WWOX: variants seen among roughly 807,000 people sequenced by gnomAD.
The protein encoded by WWOX is WW domain containing oxidoreductase, also known as WW domain-containing oxidoreductase.
Under a neutral mutation model 46.2 loss-of-function variants are expected in WWOX, and 69 were observed. The observed-to-expected ratio is 1.49, with a 90% confidence interval of 1.23 to 1.82. The LOEUF (loss-of-function observed/expected upper bound fraction) is 1.82, where lower values mean the gene tolerates loss of function less well. Ranked by LOEUF, WWOX falls within the 40% of genes most tolerant of loss-of-function variation. The pLI is 0.00. For missense variants in WWOX, 919 were observed against 542.6 expected (o/e 1.69, Z -6.89); for synonymous variants, 359 against 202.6 (o/e 1.77, Z -6.56).
At chr16:79,085,857 G>C (rs2150589909) in intron 8 of WWOX, among the ~76,000 whole-genome samples, 1 of 152,154 alleles carries the variant, frequency 6.6e-6, no homozygotes, top group Non-Finnish European at 1.5e-5. Context: ...TCCAGCCTGG[G>C]CAACACAGTG....
chr16:79,130,756 A>G (rs79288122), intron 8 of WWOX, among the ~76,000 whole-genome samples: 315 of 152,314 alleles, frequency 2.1e-3, no homozygotes, highest in African/African-American at 7.2e-3. Flanking sequence ...ACAATGTATT[A>G]CAGATGCAGA....
chr16:78,809,821 T>G (rs2051140865), intron 8 of WWOX, among the ~76,000 whole-genome samples: 1 of 152,308 alleles, frequency 6.6e-6, no homozygotes, highest in East Asian at 1.9e-4. Flanking sequence ...TAAAAGCTCT[T>G]GGGTCACTGT....
At chr16:78,755,852 TC>T (rs2049633015) in intron 8 of WWOX, among the ~76,000 whole-genome samples, 1 of 152,196 alleles carries the variant, frequency 6.6e-6, no homozygotes, top group African/African-American at 2.4e-5. Flanking sequence ...CCCAGATTTT[TC>T]TCCTCCTCTA....
chr16:78,844,203 G>A (rs1017567810), intron 8 of WWOX, among the ~76,000 whole-genome samples: 1 of 152,028 alleles, frequency 6.6e-6, no homozygotes, highest in African/African-American at 2.4e-5. Flanking sequence ...CCCCTCTTTT[G>A]GAAACCAGAG....
At chr16:78,877,509 T>A (rs1467563227) in intron 8 of WWOX, among the ~76,000 whole-genome samples, 1 of 152,228 alleles carries the variant, frequency 6.6e-6, no homozygotes, top group African/African-American at 2.4e-5. Context: ...CACCACTCAC[T>A]ATAAAATGGC....
intron 5 of WWOX, among the ~76,000 whole-genome samples, chr16:78,386,148 G>A (rs918703044): frequency 6.6e-6 from 1 of 152,188 alleles, no homozygotes; most frequent in Non-Finnish European, 1.5e-5. Flanking sequence ...GTAAGATGCT[G>A]CATTGTCAAA....
chr16:78,836,628 C>A (rs749142608), intron 8 of WWOX, among the ~76,000 whole-genome samples: 59 of 152,192 alleles, frequency 3.9e-4, no homozygotes, highest in Non-Finnish European at 6.8e-4. Flanking sequence ...TTAATTCTTG[C>A]TACCATCCTT....
intron 8 of WWOX, among the ~76,000 whole-genome samples, chr16:79,150,096 A>G (rs986433258): frequency 6.6e-5 from 10 of 152,212 alleles, no homozygotes; most frequent in African/African-American, 2.4e-5. Flanking sequence ...AGACTCACAG[A>G]TGTGATTCAC....
At chr16:78,845,276 A>T (rs921329103) in intron 8 of WWOX, among the ~76,000 whole-genome samples, 3 of 152,036 alleles carry the variant, frequency 2.0e-5, no homozygotes, top group African/African-American at 7.2e-5. Flanking sequence ...CTACATGGCT[A>T]ATTTATTTAC....
intron 8 of WWOX, among the ~76,000 whole-genome samples, chr16:78,641,952 T>C (rs1352666223): frequency 6.6e-6 from 1 of 152,136 alleles, no homozygotes; most frequent in Non-Finnish European, 1.5e-5. Context: ...AAAAAAGGAT[T>C]ATTCCTCCCC....
intron 8 of WWOX, among the ~76,000 whole-genome samples, chr16:79,191,839 G>T (rs1472686006): frequency 5.3e-5 from 8 of 152,120 alleles, no homozygotes; most frequent in Non-Finnish European, 1.2e-4. Context: ...ACACTTCTAA[G>T]CCCATTCTTC....
At chr16:78,889,313 C>G (rs1255017242) in intron 8 of WWOX, among the ~76,000 whole-genome samples, 2 of 151,938 alleles carry the variant, frequency 1.3e-5, no homozygotes, top group East Asian at 1.9e-4. Flanking sequence ...CAAATGCTTT[C>G]TATCTGGCTT....
chr16:78,768,936 T>C (rs922064711), intron 8 of WWOX, among the ~76,000 whole-genome samples: 1 of 151,968 alleles, frequency 6.6e-6, no homozygotes, highest in Non-Finnish European at 1.5e-5. Flanking sequence ...AGGAGGACGG[T>C]TTCCATTCTG....
chr16:78,635,481 C>T (rs1195038160), intron 8 of WWOX, among the ~76,000 whole-genome samples: 4 of 152,112 alleles, frequency 2.6e-5, no homozygotes, highest in Admixed American at 1.3e-4. Flanking sequence ...AATTAGAAGT[C>T]GTGCACCTGG....
At chr16:78,897,971 A>C (rs2044740605) in intron 8 of WWOX, 1 of 136,652 alleles carries the variant, frequency 7.3e-6, no homozygotes, top group South Asian at 2.2e-4. Flanking sequence ...CTTTCTGTGA[A>C]CTGCTTGTTT....
intron 5 of WWOX, among the ~76,000 whole-genome samples, chr16:78,215,841 G>A (rs545381244): frequency 4.0e-5 from 6 of 151,876 alleles, no homozygotes; most frequent in East Asian, 3.9e-4. Flanking sequence ...CAGGAGAATC[G>A]CTTGAACCTG....
At chr16:78,574,929 T>C (rs2044812071) in intron 8 of WWOX, among the ~76,000 whole-genome samples, 1 of 140,054 alleles carries the variant, frequency 7.1e-6, no homozygotes, top group Non-Finnish European at 1.5e-5. Context: ...GTGATAATCA[T>C]TACACAATGT....
chr16:78,824,408 C>A (rs1048031439), intron 8 of WWOX, among the ~76,000 whole-genome samples: 1 of 152,118 alleles, frequency 6.6e-6, no homozygotes, highest in Non-Finnish European at 1.5e-5. Context: ...TTCATTCATT[C>A]CTCTAATCAA....
At chr16:78,980,266 T>A (rs991508631) in intron 8 of WWOX, among the ~76,000 whole-genome samples, 3 of 152,222 alleles carry the variant, frequency 2.0e-5, no homozygotes, top group Non-Finnish European at 4.4e-5. Flanking sequence ...GTGAGCTCCA[T>A]TTGACAGATG....
Sources: gnomAD v4.1 joint callset for allele counts (sites outside exome capture counted in the v4.1 genomes callset) on GRCh38, gnomAD v4.1.1 for gene constraint, MANE v1.5 for transcripts, NCBI Gene and HGNC (gene_info 2026-07-23, HGNC 2026-07-21) for gene names.